Variants in CNTN1 observed in about 807,000 individuals in gnomAD.
CNTN1 encodes contactin-1.
CNTN1 carries 38 observed loss-of-function variants against 126.4 expected under a neutral mutation model. The observed-to-expected ratio is 0.30, with a 90% confidence interval of 0.23 to 0.39. The LOEUF is 0.39. CNTN1 is among the 10% of genes least tolerant of loss of function. CNTN1 has a pLI of 1.00. For missense variants in CNTN1, 1,009 were observed against 1,248.4 expected, an observed-to-expected ratio of 0.81 and a Z score of 2.89; for synonymous variants, 413 against 422.6, an observed-to-expected ratio of 0.98 and a Z score of 0.28.
intron 13 of CNTN1, 106 bp downstream of exon 13, chr12:40,943,830 A>G: frequency 1.4e-6 from 2 of 1,461,666 alleles, no homozygotes; most frequent in Non-Finnish European, 1.9e-6. Context: ...TTTCAAAAGA[A>G]TTTCAGGCAA....
chr12:40,965,028 T>C (rs769994121), intron 15 of CNTN1, among the ~76,000 whole-genome samples: 27 of 152,292 alleles, frequency 1.8e-4, no homozygotes, highest in African/African-American at 6.5e-4. Flanking sequence ...ATTCTTTTTT[T>C]GTAAGAAATA....
chr12:40,894,884 G>A (rs1944353298), intron 1 of CNTN1, among the ~76,000 whole-genome samples: 1 of 152,172 alleles, frequency 6.6e-6, no homozygotes, highest in Non-Finnish European at 1.5e-5. Context: ...TTGGCAGCTA[G>A]CCATTAGGGG....
chr12:41,029,199 T>G lies in CNTN1; in HGVS notation c.2960T>G (p.Val987Gly). 6.2e-7 allele frequency: 1 copy of G among 1,614,092 alleles called. No homozygotes were observed. The highest frequency in any genetic ancestry group is 1.3e-5 in the African/African-American group (1 of 75,034). Reference sequence around the variant, plus strand: ...CACAGTGATGGAGGAGATGGAGTGGTGTCTCAAGTCAAAATTTCAGGTAAG... The same window carrying G: ...CACAGTGATGGAGGAGATGGAGTGGGGTCTCAAGTCAAAATTTCAGGTAAG... ...RAHSDGGDGV[V>G]SQVKISGAPT... Residue 987 changes from valine (V) to glycine (G), a missense_variant, in exon 23 of 24, where the codon GTG becomes GGG. Transcript: ENST00000551295.
At chr12:40,890,376 T>C (rs941977047) in intron 1 of CNTN1, among the ~76,000 whole-genome samples, 1 of 152,182 alleles carries the variant, frequency 6.6e-6, no homozygotes, top group Admixed American at 6.5e-5. Context: ...TAGTTTACAT[T>C]AGGGTTACTC....
At position 40,910,059 on chromosome 12, in the gene CNTN1, T is replaced by C; in HGVS notation, c.62-14T>C. 6.3e-7 allele frequency: 1 copy of C among 1,598,396 alleles called. No individual in the cohort carries two copies. The highest frequency in any genetic ancestry group is 8.6e-7 in the Non-Finnish European group (1 of 1,166,910). The stretch of plus-strand genomic sequence containing the variant: ...TTGCTTCAGGATCAAAATTGTTTTT[T>C]CTTTCATTTTTAGAGTTTACATGGT... On this transcript the variant is annotated splice_polypyrimidine_tract_variant and intron_variant, in intron 2 of 23. Coordinates refer to ENST00000551295, the MANE Select transcript of CNTN1 (RefSeq NM_001843.4).
intron 23 of CNTN1, among the ~76,000 whole-genome samples, chr12:41,052,750 T>G (rs1360102153): frequency 6.6e-6 from 1 of 152,102 alleles, no homozygotes; most frequent in East Asian, 1.9e-4. Flanking sequence ...ACTGTTGGAT[T>G]ACAATATCTG....
chr12:40,897,600 C>T (rs12372413), intron 1 of CNTN1, among the ~76,000 whole-genome samples: 50,674 of 151,874 alleles, frequency 0.33, 9,663 homozygotes, highest in South Asian at 0.43. Context: ...TTCATATGAC[C>T]GGAGGCATGT....
At chr12:40,870,702 C>A (rs1943455873) in intron 1 of CNTN1, among the ~76,000 whole-genome samples, 1 of 151,926 alleles carries the variant, frequency 6.6e-6, no homozygotes. Context: ...TGTTGCTGAT[C>A]TAAAGAAATT....
At chr12:40,720,353 T>C (rs1942165949) in intron 1 of CNTN1, among the ~76,000 whole-genome samples, 1 of 152,118 alleles carries the variant, frequency 6.6e-6, no homozygotes, top group Non-Finnish European at 1.5e-5. Flanking sequence ...AGTATGCTTA[T>C]TTCATTGTTA....
intron 14 of CNTN1, among the ~76,000 whole-genome samples, chr12:40,947,647 CA>C (rs1342766542): frequency 6.6e-6 from 1 of 151,650 alleles, no homozygotes; most frequent in Non-Finnish European, 1.5e-5. Flanking sequence ...CAATTTTTGA[CA>C]TTCACTTTGG....
At chr12:41,043,393 A>G (rs980130781) in intron 23 of CNTN1, among the ~76,000 whole-genome samples, 1 of 152,076 alleles carries the variant, frequency 6.6e-6, no homozygotes, top group African/African-American at 2.4e-5. Flanking sequence ...AAAAAACATG[A>G]AAAAATGCTC....
intron 1 of CNTN1, among the ~76,000 whole-genome samples, chr12:40,795,508 T>C (rs976373159): frequency 2.0e-5 from 3 of 151,534 alleles, no homozygotes; most frequent in African/African-American, 7.3e-5. Flanking sequence ...AATAGATGTA[T>C]TTAGAATATT....
intron 9 of CNTN1, 149 bp downstream of exon 9, chr12:40,934,027 T>G: frequency 2.9e-6 from 2 of 698,342 alleles, no homozygotes. Context: ...ATTTCTCATA[T>G]GTCTAATGAA....
chr12:40,799,862 A>G (rs1352048135), intron 1 of CNTN1, among the ~76,000 whole-genome samples: 1 of 152,010 alleles, frequency 6.6e-6, no homozygotes, highest in Non-Finnish European at 1.5e-5. Context: ...TAGTAGTAGT[A>G]TTTTCATTTG....
At chr12:41,063,173 A>T (rs547150904) in intron 23 of CNTN1, among the ~76,000 whole-genome samples, 60 of 152,386 alleles carry the variant, frequency 3.9e-4, no homozygotes, top group African/African-American at 1.4e-3. Flanking sequence ...CAGTACTCTG[A>T]CAAGTTCACT....
At chr12:40,739,725 G>T (rs900027749) in intron 1 of CNTN1, among the ~76,000 whole-genome samples, 11 of 151,922 alleles carry the variant, frequency 7.2e-5, no homozygotes, top group Admixed American at 2.0e-4. Flanking sequence ...TTTACTACAG[G>T]GGTAACTTAT....
chr12:40,724,477 C>T (rs1942300401), intron 1 of CNTN1, among the ~76,000 whole-genome samples: 1 of 152,142 alleles, frequency 6.6e-6, no homozygotes, highest in East Asian at 1.9e-4. Context: ...CTATCCTAGG[C>T]TATTGGATCT....
intron 1 of CNTN1, among the ~76,000 whole-genome samples, chr12:40,785,346 C>T (rs984404820): frequency 4.6e-5 from 7 of 151,756 alleles, no homozygotes; most frequent in East Asian, 1.9e-4. Flanking sequence ...TAGTGGAAGA[C>T]GAAGTGGGAG....
In CNTN1 at chr12:41,016,747, T is replaced by C; in HGVS notation, c.2250T>C (p.Asp750=). 1.9e-6 allele frequency: 3 copies of C among 1,614,108 alleles called. No homozygotes were observed. Among genetic ancestry groups the C allele is most frequent in the South Asian group, 1.1e-5 (1 of 91,078 alleles). Residue 750 remains aspartate (D), a synonymous_variant, in exon 19 of 24, where the codon GAT becomes GAC. Transcript: ENST00000551295. The part of the protein sequence containing the change: ...FGYIVAFKPF[D]GEEWKKVTVT... The stretch of plus-strand genomic sequence containing the variant: ...ACATAGTGGCATTTAAGCCATTTGA[T>C]GGAGAAGAATGGAAAAAAGTCACAG...
Sources: gnomAD v4.1 joint callset for allele counts (sites outside exome capture counted in the v4.1 genomes callset) on GRCh38, gnomAD v4.1.1 for gene constraint, MANE v1.5 for transcripts, NCBI Gene and HGNC (gene_info 2026-07-23, HGNC 2026-07-21) for gene names.